ZNF732: variants seen among roughly 807,000 people sequenced by gnomAD.
ZNF732 encodes zinc finger protein LOC654254.
In ZNF732, 12 loss-of-function variants were observed where a neutral mutation model predicts 11.5. The observed-to-expected ratio is 1.05, with a 90% CI of 0.67 to 1.70. ZNF732 has a LOEUF of 1.70. Among genes scored for constraint, ZNF732 ranks in the 40% most tolerant of loss-of-function variants. ZNF732 has a pLI of 0.00. For synonymous variants in ZNF732, 231 were observed against 236.5 expected, an observed-to-expected ratio of 0.98 and a Z score of 0.21; for missense variants, 702 against 676.9, an observed-to-expected ratio of 1.04 and a Z score of -0.41.
In ZNF732 at chr4:305,363, G is replaced by A. The variant is rs911035096; in HGVS notation, c.-53C>T. ...CTCAGCTACGAATCATCCAATACCC[G>A]CAGGTCACAGAGCGACGGAGGCTGA... On this transcript the variant is annotated 5_prime_UTR_variant, in exon 1 of 4. Coordinates refer to ENST00000419098, the MANE Select transcript of ZNF732 (RefSeq NM_001137608.3). The A allele has an allele frequency of 3.6e-5, 57 of 1,605,120 alleles. No homozygotes were observed. Among genetic ancestry groups the A allele is most frequent in the African/African-American group, 2.7e-4 (20 of 74,854 alleles).
At chr4:305,215 G>C (rs552590059) in intron 1 of ZNF732, 93 bp downstream of exon 1, 2 of 1,482,502 alleles carry the variant, frequency 1.3e-6, no homozygotes, top group East Asian at 2.4e-5. Flanking sequence ...CGGCAGCGGA[G>C]ACTCCGTTCG....
intron 3 of ZNF732, among the ~76,000 whole-genome samples, chr4:292,557 CA>C (rs200025940): frequency 0.33 from 29,555 of 89,884 alleles, 2,865 homozygotes; most frequent in South Asian, 0.43. Flanking sequence ...AACTCTGTCT[CA>C]AAAAAAAAAA....
chr4:295,094 T>C (rs1553841995), intron 3 of ZNF732, among the ~76,000 whole-genome samples: 1 of 152,110 alleles, frequency 6.6e-6, no homozygotes, highest in African/African-American at 2.4e-5. Flanking sequence ...AAAAGAATAT[T>C]TGAAAAAAAT....
intron 3 of ZNF732, among the ~76,000 whole-genome samples, chr4:273,382 A>C (rs1208409156): frequency 1.3e-5 from 2 of 151,698 alleles, no homozygotes; most frequent in Admixed American, 6.6e-5. Context: ...ATAACAAGCA[A>C]ATATTATAAT....
rs549790978 is a variant in ZNF732, at chr4:305,037, G to A, written c.3+271C>T. Reference sequence around the variant, plus strand: ...AGGCGGGCACCTCGCACGCCACGCAGGCGTTTTCCCGATGAGCTCCTCCTC... The same window carrying A: ...AGGCGGGCACCTCGCACGCCACGCAAGCGTTTTCCCGATGAGCTCCTCCTC... On this transcript the variant is annotated intron_variant, in intron 1 of 3. Coordinates refer to ENST00000419098, the MANE Select transcript of ZNF732 (RefSeq NM_001137608.3). Among the ~76,000 whole-genome samples, 7 of 152,342 alleles carry A rather than the reference G, an allele frequency of 4.6e-5. No individual in the cohort carries two copies. In the East Asian group the frequency reaches 1.2e-3, roughly 25 times the overall value.
In ZNF732 at chr4:283,744, C is replaced by A. The variant is rs137895069; in HGVS notation, c.227-11114G>T. 1.3e-3 allele frequency among the ~76,000 whole-genome samples: 202 copies of A among 152,230 alleles called. 1 individual carries two copies. Among genetic ancestry groups the A allele is most frequent in the African/African-American group, 4.3e-3 (179 of 41,564 alleles). The stretch of plus-strand genomic sequence containing the variant: ...TTGCTTGCATAGCACTATAAAACAA[C>A]TGCACCAAAAGACATATATATAGAA... On this transcript the variant is annotated intron_variant, in intron 3 of 3. Transcript: ENST00000419098.
intron 1 of ZNF732, among the ~76,000 whole-genome samples, chr4:301,264 T>C (rs1180214659): frequency 1.8e-4 from 27 of 152,212 alleles, no homozygotes; most frequent in African/African-American, 6.5e-4. Flanking sequence ...TTTTACACTG[T>C]TGGTGGGACT....
At chr4:292,729 G>A (rs782079335) in intron 3 of ZNF732, among the ~76,000 whole-genome samples, 7 of 151,344 alleles carry the variant, frequency 4.6e-5, no homozygotes, top group Non-Finnish European at 1.0e-4. Context: ...TTGGTGAGAT[G>A]TAAATTGATA....
intron 1 of ZNF732, among the ~76,000 whole-genome samples, chr4:303,408 G>A (rs1166723824): frequency 6.6e-6 from 1 of 152,142 alleles, no homozygotes; most frequent in Non-Finnish European, 1.5e-5. Flanking sequence ...CCTGAGGTAA[G>A]GAGTTCGAGA....
intron 1 of ZNF732, among the ~76,000 whole-genome samples, chr4:299,027 A>C (rs572885531): frequency 6.6e-6 from 1 of 152,256 alleles, no homozygotes; most frequent in South Asian, 2.1e-4. Context: ...AATGTCTTCT[A>C]TGAGTTTTCT....
intron 3 of ZNF732, among the ~76,000 whole-genome samples, chr4:282,841 T>G (rs1286523046): frequency 6.8e-6 from 1 of 146,572 alleles, no homozygotes; most frequent in Non-Finnish European, 1.5e-5. Context: ...ACAAGAAAAA[T>G]GAAACAAACT....
intron 3 of ZNF732, among the ~76,000 whole-genome samples, chr4:274,504 T>TC (rs1425691798): frequency 6.6e-6 from 1 of 151,296 alleles, no homozygotes; most frequent in Non-Finnish European, 1.5e-5. Context: ...ATAAGATGAG[T>TC]AAGTCTATTT....
intron 3 of ZNF732, among the ~76,000 whole-genome samples, chr4:295,063 T>C (rs919064833): frequency 6.6e-6 from 1 of 151,832 alleles, no homozygotes; most frequent in South Asian, 2.1e-4. Context: ...CTACTCACCG[T>C]GCACATTTTA....
In ZNF732 at chr4:272,314, G is replaced by A. The variant is rs781916402; in HGVS notation, c.543C>T (p.Asp181=). The change falls in exon 4 of 4, where the codon GAC becomes GAT. Residue 181 remains aspartate (D), a synonymous_variant. Coordinates refer to ENST00000419098, the MANE Select transcript of ZNF732 (RefSeq NM_001137608.3). ...CATGAATTCCTTGATGTTGAGTTAG[G>A]TCTGAGAACTTCTGAAATGACTTGC... ...ECGKSFQKFS[D]LTQHQGIHAG... 2 of 1,612,442 alleles carry A rather than the reference G, an allele frequency of 1.2e-6. No individual in the cohort carries two copies. The highest frequency in any genetic ancestry group is 8.5e-7 in the Non-Finnish European group (1 of 1,179,026).
intron 3 of ZNF732, among the ~76,000 whole-genome samples, chr4:288,169 ATAATTTT>A (rs1719769974): frequency 6.6e-6 from 1 of 152,150 alleles, no homozygotes; most frequent in Non-Finnish European, 1.5e-5. Context: ...TGTCAAACAC[ATAATTTT>A]TAATTTTTTT....
At chr4:300,324 A>G (rs4401407) in intron 1 of ZNF732, among the ~76,000 whole-genome samples, 38,406 of 150,948 alleles carry the variant, frequency 0.25, 5,087 homozygotes, top group South Asian at 0.38. Flanking sequence ...TTAGCCAGGC[A>G]TGGTGGTGGG....
intron 3 of ZNF732, among the ~76,000 whole-genome samples, chr4:286,278 AG>A (rs1410126569): frequency 1.3e-5 from 2 of 152,252 alleles, no homozygotes; most frequent in Non-Finnish European, 2.9e-5. Flanking sequence ...TTATTGAAAC[AG>A]TTTATAACTA....
chr4:301,594 C>A (rs1720119044), intron 1 of ZNF732, among the ~76,000 whole-genome samples: 1 of 152,172 alleles, frequency 6.6e-6, no homozygotes, highest in African/African-American at 2.4e-5. Context: ...TGGAAACCAT[C>A]ATTCTCAGCA....
At chr4:284,891 A>AAAAAAAAAAG (rs782343752) in intron 3 of ZNF732, among the ~76,000 whole-genome samples, 13 of 129,134 alleles carry the variant, frequency 1.0e-4, no homozygotes, top group South Asian at 2.6e-4. Flanking sequence ...AAAAAAAAAA[A>AAAAAAAAAAG]AAGAAGAAGA....
Sources: gnomAD v4.1 joint callset for allele counts (sites outside exome capture counted in the v4.1 genomes callset) on GRCh38, gnomAD v4.1.1 for gene constraint, MANE v1.5 for transcripts, NCBI Gene and HGNC (gene_info 2026-07-23, HGNC 2026-07-21) for gene names.